Variants in RNF11 observed in about 807,000 individuals in gnomAD.
The protein encoded by RNF11 is ring finger protein 11.
In RNF11, 4 loss-of-function variants were observed where a neutral mutation model predicts 15.8. That is an observed-to-expected ratio of 0.25 (90% CI 0.12 to 0.58). RNF11 has a LOEUF of 0.58. Among genes scored for constraint, RNF11 ranks in the 20% least tolerant of loss-of-function variants. The probability of loss-of-function intolerance (pLI) is 0.91; values close to 1 mark genes in which losing one functional copy is unlikely to be tolerated. For missense variants in RNF11, 139 were observed against 194.4 expected (o/e 0.71, Z 1.70); for synonymous variants, 68 against 72.3 (o/e 0.94, Z 0.30).
chr1:51,251,447 C>CA (rs893959733), intron 1 of RNF11: 2 of 759,188 alleles, frequency 2.6e-6, no homozygotes, highest in African/African-American at 3.5e-5. Context: ...CGGGCCCCCC[C>CA]CCGCTGCACT....
intron 1 of RNF11, among the ~76,000 whole-genome samples, chr1:51,257,404 G>C (rs1263779885): frequency 6.6e-6 from 1 of 152,060 alleles, no homozygotes; most frequent in Middle Eastern, 3.4e-3. Flanking sequence ...GCCCCAATTG[G>C]GTCCACTTGG....
chr1:51,264,287 A>AATATATATATAT (rs1162466435), intron 1 of RNF11, among the ~76,000 whole-genome samples: 60 of 32,510 alleles, frequency 1.8e-3, no homozygotes, highest in Non-Finnish European at 2.5e-3. Context: ...AAAAAAAAAA[A>AATATATATATAT]ATATATATAT....
chr1:51,245,601 A>T (rs1032077558), intron 1 of RNF11, among the ~76,000 whole-genome samples: 1 of 151,992 alleles, frequency 6.6e-6, no homozygotes, highest in Non-Finnish European at 1.5e-5. Flanking sequence ...AGAGGCAAGC[A>T]CCACCACACC....
intron 1 of RNF11, among the ~76,000 whole-genome samples, chr1:51,252,839 G>GTGTGTGTGTGTGT: frequency 6.6e-6 from 1 of 150,980 alleles, no homozygotes; most frequent in African/African-American, 2.4e-5. Context: ...GTGTGTGTTT[G>GTGTGTGTGTGTGT]GGGGGGACAG....
In RNF11 at chr1:51,273,164, T is replaced by A. The variant is rs1646987429; in HGVS notation, c.*1842T>A. The A allele has an allele frequency of 6.6e-6, 1 of 152,228 alleles. No individual in the cohort carries two copies. Among genetic ancestry groups the A allele is most frequent in the Admixed American group, 6.5e-5 (1 of 15,284 alleles). The allele number at this position is 152,228 out of a possible 1,614,324, so 9.4% of individuals were successfully genotyped here. On this transcript the variant is annotated 3_prime_UTR_variant, in exon 3 of 3. Transcript: ENST00000242719. ...CTTTTTTTATTCTTGTGTTTTCTAC[T>A]TAAACATAATGTCTGTGTCATCAAG...
Position 51,264,259 on chromosome 1 carries a change from CAAAAAAAAAAAAA to C in RNF11, c.124-5680_124-5668del, listed in dbSNP as rs1158509807. Among the ~76,000 whole-genome samples the C allele has an allele frequency of 4.1e-3, 105 of 25,520 alleles. 1 individual carries two copies. Among genetic ancestry groups the C allele is most frequent in the African/African-American group, 0.016 (96 of 6,064 alleles). 16.7% of individuals were successfully genotyped at this position (25,520 alleles called of 152,430 possible). On this transcript the variant is annotated intron_variant, in intron 1 of 2. Coordinates refer to ENST00000242719, the MANE Select transcript of RNF11 (RefSeq NM_014372.5). ...TAGGTAACAGAATGAGACCCTATCT[CAAAAAAAAAAAAA>C]AAAAAAAAAAAAAAAATATATATAT...
intron 1 of RNF11, among the ~76,000 whole-genome samples, chr1:51,242,713 A>G (rs778059679): frequency 1.1e-4 from 16 of 152,010 alleles, no homozygotes; most frequent in Admixed American, 5.2e-4. Flanking sequence ...TCCTCCCACC[A>G]TGTCTCCCAG....
At chr1:51,269,932 T>C (rs769392740) in intron 1 of RNF11, 24 bp from the exon 2 acceptor site, 10 of 1,592,718 alleles carry the variant, frequency 6.3e-6, no homozygotes, top group Non-Finnish European at 8.6e-6. Flanking sequence ...AATAATCTTT[T>C]TCCTCTATAT....
intron 1 of RNF11, among the ~76,000 whole-genome samples, chr1:51,261,995 C>T (rs1239347462): frequency 1.3e-5 from 2 of 152,242 alleles, no homozygotes; most frequent in East Asian, 3.8e-4. Flanking sequence ...GCTGGGATTA[C>T]AGGCACATAC....
chr1:51,254,240 C>G (rs1292675309), intron 1 of RNF11, among the ~76,000 whole-genome samples: 3 of 151,930 alleles, frequency 2.0e-5, no homozygotes, highest in Non-Finnish European at 4.4e-5. Context: ...AAAACATGGT[C>G]TCCTTGATTA....
intron 1 of RNF11, among the ~76,000 whole-genome samples, chr1:51,263,697 A>T (rs1002775741): frequency 6.6e-6 from 1 of 152,212 alleles, no homozygotes; most frequent in East Asian, 1.9e-4. Flanking sequence ...AGGCAAATCT[A>T]TAGAGACAAA....
intron 1 of RNF11, among the ~76,000 whole-genome samples, chr1:51,262,977 T>G (rs1646937702): frequency 6.6e-6 from 1 of 152,144 alleles, no homozygotes; most frequent in Non-Finnish European, 1.5e-5. Flanking sequence ...AAGATTAAGT[T>G]TAAGCAATGC....
At chr1:51,266,824 G>C (rs1024689962) in intron 1 of RNF11, among the ~76,000 whole-genome samples, 1 of 152,146 alleles carries the variant, frequency 6.6e-6, no homozygotes, top group Non-Finnish European at 1.5e-5. Flanking sequence ...TATATTACAA[G>C]AACATAAGTG....
chr1:51,257,848 C>CTTT lies in RNF11; in HGVS notation c.124-12106_124-12104dup, dbSNP rs201557519. On this transcript the variant is annotated intron_variant, in intron 1 of 2. Coordinates refer to ENST00000242719, the MANE Select transcript of RNF11 (RefSeq NM_014372.5). ...TTTCTCTTCTTATTTCTTTTCTTTT[C>CTTT]TTTTCTTTTTTTTTTTTTTTTTTGA... Among the ~76,000 whole-genome samples, 96 of 84,896 alleles carry CTTT rather than the reference C, an allele frequency of 1.1e-3. 4 individuals carry two copies. Among genetic ancestry groups the CTTT allele is most frequent in the East Asian group, 1.8e-3 (5 of 2,704 alleles). 55.7% of individuals were successfully genotyped at this position (84,896 alleles called of 152,430 possible). A position where few individuals can be genotyped will look rare whatever the true frequency, so the allele number is the denominator to read the frequency against.
At chr1:51,246,469 C>G (rs1408413357) in intron 1 of RNF11, among the ~76,000 whole-genome samples, 1 of 152,106 alleles carries the variant, frequency 6.6e-6, no homozygotes, top group Admixed American at 6.5e-5. Context: ...CAGCTATAGG[C>G]TGAGGCAGAA....
chr1:51,245,314 A>G (rs1022140512), intron 1 of RNF11, among the ~76,000 whole-genome samples: 5 of 152,140 alleles, frequency 3.3e-5, no homozygotes, highest in Admixed American at 1.3e-4. Flanking sequence ...CACCACACCC[A>G]GCTATTTTTT....
In RNF11 at chr1:51,236,852, G is replaced by A; in HGVS notation, c.96G>A (p.Pro32=). The A allele has an allele frequency of 6.2e-7, 1 of 1,609,638 alleles. No homozygotes were observed. Among genetic ancestry groups the A allele is most frequent in the African/African-American group, 1.3e-5 (1 of 74,658 alleles). Residue 32 remains proline (P), a synonymous_variant, in exon 1 of 3, where the codon CCG becomes CCA. Coordinates refer to ENST00000242719, the MANE Select transcript of RNF11 (RefSeq NM_014372.5). ...DRASFGEGTE[P]DQEPPPPYQE... Reference sequence around the variant, plus strand: ...CTAGCTTTGGCGAGGGGACGGAGCCGGATCAGGAGCCGCCGCCGCCATATC... The same window carrying A: ...CTAGCTTTGGCGAGGGGACGGAGCCAGATCAGGAGCCGCCGCCGCCATATC...
intron 1 of RNF11, among the ~76,000 whole-genome samples, chr1:51,244,849 A>G (rs1004369406): frequency 2.6e-5 from 4 of 152,198 alleles, no homozygotes; most frequent in African/African-American, 9.7e-5. Context: ...TTAAGATTGT[A>G]TGCATCACTA....
chr1:51,262,744 T>A (rs1320270077), intron 1 of RNF11, among the ~76,000 whole-genome samples: 1 of 150,046 alleles, frequency 6.7e-6, no homozygotes, highest in Non-Finnish European at 1.5e-5. Flanking sequence ...TTTTTTGTAT[T>A]TTTAGTAGAG....
Sources: allele counts gnomAD v4.1 joint callset (sites outside exome capture counted in the v4.1 genomes callset), GRCh38; gene constraint gnomAD v4.1.1; transcripts MANE v1.5; gene names NCBI Gene and HGNC (gene_info 2026-07-23, HGNC 2026-07-21).